Variants in ABCC1 observed in about 807,000 individuals in gnomAD.
The protein encoded by ABCC1 is multidrug resistance-associated protein 1.
ABCC1 carries 83 observed loss-of-function variants against 172.9 expected under a neutral mutation model. That is an observed-to-expected ratio of 0.48 (90% CI 0.40 to 0.58). ABCC1 has a LOEUF of 0.58. Among genes scored for constraint, ABCC1 ranks in the 20% least tolerant of loss-of-function variants. The pLI, the probability that ABCC1 is intolerant of heterozygous loss-of-function variation, is 0.00. For synonymous variants in ABCC1, 937 were observed against 825.2 expected (o/e 1.14, Z -2.32); for missense variants, 1,817 against 2,002.7 (o/e 0.91, Z 1.77).
intron 16 of ABCC1, among the ~76,000 whole-genome samples, chr16:16,081,832 C>A (rs2050816754): frequency 1.3e-5 from 2 of 151,998 alleles, no homozygotes; most frequent in Admixed American, 6.6e-5. Context: ...CCAGCCTGAC[C>A]AGCATGGCGA....
At chr16:16,103,687 A>C (rs2051893034) in intron 20 of ABCC1, among the ~76,000 whole-genome samples, 1 of 152,198 alleles carries the variant, frequency 6.6e-6, no homozygotes, top group African/African-American at 2.4e-5. Context: ...AGATCTGAGA[A>C]AGGATCCCGG....
At chr16:15,983,067 T>G (rs2151594031) in intron 1 of ABCC1, among the ~76,000 whole-genome samples, 1 of 152,202 alleles carries the variant, frequency 6.6e-6, no homozygotes, top group Admixed American at 6.5e-5. Context: ...AAAAATCTGA[T>G]AAGTACTTAG....
rs1172974137 is a variant in ABCC1, at chr16:16,122,099, A to G, written c.3515A>G (p.Glu1172Gly). 1 of 1,614,042 alleles carries G rather than the reference A, an allele frequency of 6.2e-7. No individual in the cohort carries two copies. Among genetic ancestry groups the G allele is most frequent in the African/African-American group, 1.3e-5 (1 of 74,910 alleles). The change falls in exon 24 of 31, where the codon GAG (glutamate) becomes GGG (glycine). Residue 1172 changes from glutamate (E) to glycine (G), a missense_variant. Glu to Gly is a moderately conservative substitution (Grantham distance 98, BLOSUM62 -2). This residue lies in a region of ABCC1 where 1,412 missense variants were observed against 1,600.3 expected (regional missense o/e 0.88). Coordinates refer to ENST00000399410, the MANE Select transcript of ABCC1 (RefSeq NM_004996.4). ...VSVIRAFEEQ[E>G]RFIHQSDLKV... ...GTCATTCGAGCCTTCGAGGAGCAGG[A>G]GCGCTTCATCCACCAGAGTGACCTG...
In ABCC1 at chr16:15,983,558, T is replaced by TTTA. The variant is rs2046676387; in HGVS notation, c.49-24256_49-24255insATT. 3.3e-5 allele frequency among the ~76,000 whole-genome samples: 5 copies of TTTA among 150,158 alleles called. No homozygotes were observed. In the South Asian group the frequency reaches 1.1e-3, roughly 32 times the overall value. Reference sequence around the variant, plus strand: ...CTTCTAATGGTACACCACACTTTTTTTTTTTTTTTTTGGTTTTGAGACAGT... The same window carrying TTTA: ...CTTCTAATGGTACACCACACTTTTTTTTATTTTTTTTTTTGGTTTTGAGACAGT... On this transcript the variant is annotated intron_variant, in intron 1 of 30. Coordinates refer to ENST00000399410, the MANE Select transcript of ABCC1 (RefSeq NM_004996.4).
chr16:16,073,463 A>G (rs1419570434), intron 14 of ABCC1, among the ~76,000 whole-genome samples: 1 of 152,126 alleles, frequency 6.6e-6, no homozygotes, highest in Non-Finnish European at 1.5e-5. Flanking sequence ...TATTTTACAG[A>G]TGAAAAAGTG....
At chr16:16,114,264 G>C (rs1423202799) in intron 22 of ABCC1, among the ~76,000 whole-genome samples, 1 of 152,088 alleles carries the variant, frequency 6.6e-6, no homozygotes, top group East Asian at 1.9e-4. Context: ...TCAGTTACAT[G>C]TAAAACCCAG....
At chr16:16,084,777 C>T (rs376168574) in intron 17 of ABCC1, among the ~76,000 whole-genome samples, 7 of 152,288 alleles carry the variant, frequency 4.6e-5, no homozygotes, top group South Asian at 4.1e-4. Context: ...CCTGCCACCA[C>T]GCACAGCTAA....
chr16:16,122,509 C>T (rs1047381881), intron 24 of ABCC1, among the ~76,000 whole-genome samples: 3 of 152,084 alleles, frequency 2.0e-5, no homozygotes, highest in South Asian at 2.1e-4. Flanking sequence ...CCGCTGTTCC[C>T]GTCTGGGGGT....
chr16:16,030,732 C>T (rs2048531447), intron 5 of ABCC1, among the ~76,000 whole-genome samples: 2 of 151,904 alleles, frequency 1.3e-5, no homozygotes, highest in Admixed American at 1.3e-4. Context: ...ATTTCCTGCC[C>T]AGCCACTTTT....
At chr16:16,023,565 A>T (rs1171880813) in intron 5 of ABCC1, among the ~76,000 whole-genome samples, 1 of 152,150 alleles carries the variant, frequency 6.6e-6, no homozygotes, top group East Asian at 1.9e-4. Context: ...GTCATTTAAT[A>T]ATCAGGTGTT....
rs1455808996 is a variant in ABCC1, at chr16:16,087,004, G to A, written c.2460+13G>A. The A allele has an allele frequency of 6.8e-6, 11 of 1,613,788 alleles. No individual in the cohort carries two copies. The highest frequency in any genetic ancestry group is 1.3e-5 in the African/African-American group (1 of 74,948). ...GCTGAAGAACAAGGTGCCTGCTGGCGGGGTGGGGCTTGGTGTTGGGCCGTC... is the reference window on the plus strand; with the variant it reads ...GCTGAAGAACAAGGTGCCTGCTGGCAGGGTGGGGCTTGGTGTTGGGCCGTC... On this transcript the variant is annotated intron_variant, in intron 18 of 30. Transcript: ENST00000399410.
intron 1 of ABCC1, among the ~76,000 whole-genome samples, chr16:15,950,013 G>C (rs1015183813): frequency 6.6e-5 from 10 of 152,046 alleles, no homozygotes; most frequent in Non-Finnish European, 1.3e-4. Flanking sequence ...AGCAGAGCGT[G>C]GGGGGCCGCG....
chr16:16,137,480 A>G (rs2045959143), intron 29 of ABCC1, among the ~76,000 whole-genome samples: 1 of 148,620 alleles, frequency 6.7e-6, no homozygotes, highest in African/African-American at 2.5e-5. Flanking sequence ...AGCAAGGAAC[A>G]TGTCTGATTC....
chr16:16,035,753 C>T (rs917597578), intron 6 of ABCC1, among the ~76,000 whole-genome samples: 1 of 151,876 alleles, frequency 6.6e-6, no homozygotes, highest in African/African-American at 2.4e-5. Context: ...CCTCGGCCTC[C>T]CAGAGCGCTA....
intron 13 of ABCC1, 121 bp downstream of exon 13, chr16:16,068,423 C>A: frequency 8.8e-7 from 1 of 1,130,376 alleles, no homozygotes. Context: ...CCATGAGGCC[C>A]GGACAAAGGC....
At chr16:15,964,762 C>G (rs1471807785) in intron 1 of ABCC1, among the ~76,000 whole-genome samples, 1 of 151,996 alleles carries the variant, frequency 6.6e-6, no homozygotes, top group Non-Finnish European at 1.5e-5. Flanking sequence ...AATCGATCCT[C>G]CGGCTTTGGC....
intron 15 of ABCC1, among the ~76,000 whole-genome samples, chr16:16,078,632 A>C (rs152028): frequency 0.41 from 61,914 of 151,856 alleles, 14,168 homozygotes; most frequent in African/African-American, 0.64. Context: ...CCGGCTCTCC[A>C]CATGTTTCTG....
At chr16:16,090,708 G>A (rs2152020530) in intron 19 of ABCC1, 120 bp downstream of exon 19, 1 of 1,159,198 alleles carries the variant, frequency 8.6e-7, no homozygotes, top group African/African-American at 1.6e-5. Context: ...GCATGAGGGT[G>A]GGAGCTGGAT....
At chr16:16,110,176 G>GTGCAACCTCCACCTCC (rs2052326356) in intron 21 of ABCC1, among the ~76,000 whole-genome samples, 1 of 151,536 alleles carries the variant, frequency 6.6e-6, no homozygotes, top group Non-Finnish European at 1.5e-5. Flanking sequence ...GTTTGGCTTG[G>GTGCAACCTCCACCTCC]TGCAACCTCC....
Sources: gnomAD v4.1 joint callset for allele counts (sites outside exome capture counted in the v4.1 genomes callset) on GRCh38, gnomAD v4.1.1 for gene constraint, gnomAD v4.1.1 regional missense constraint, MANE v1.5 for transcripts, NCBI Gene and HGNC (gene_info 2026-07-23, HGNC 2026-07-21) for gene names.